PLEKHB2: variants seen among roughly 807,000 people sequenced by gnomAD.
PLEKHB2 encodes pleckstrin homology domain-containing family B member 2.
PLEKHB2 carries 31 observed loss-of-function variants against 36.5 expected under a neutral mutation model. The observed-to-expected ratio is 0.85, with a 90% confidence interval of 0.64 to 1.15. PLEKHB2 has a LOEUF of 1.15. Among genes scored for constraint, PLEKHB2 ranks in the 50% most tolerant of loss-of-function variants. The pLI is 0.00. For synonymous variants in PLEKHB2, 119 were observed against 112.0 expected, an observed-to-expected ratio of 1.06 and a Z score of -0.39; for missense variants, 262 against 295.3, an observed-to-expected ratio of 0.89 and a Z score of 0.83.
rs1371490264 is a variant in PLEKHB2, at chr2:131,123,356, T to TATTTTCC, written c.37+2379_37+2385dup. ...GGTAGGCAAAGCCAGCCTTGGGACT[T>TATTTTCC]ATTTTCCTGCCATTGCCACATGTAC... is the stretch of plus-strand genomic sequence containing the variant. On this transcript the variant is annotated intron_variant, in intron 2 of 7. Transcript: ENST00000693505. Among the ~76,000 whole-genome samples, 5 of 152,302 alleles carry TATTTTCC rather than the reference T, an allele frequency of 3.3e-5. No homozygotes were observed. The South Asian group carries it at 1.0e-3, about 32-fold the overall frequency.
intron 2 of PLEKHB2, among the ~76,000 whole-genome samples, chr2:131,124,938 A>C (rs1696951854): frequency 6.6e-6 from 1 of 151,964 alleles, no homozygotes; most frequent in African/African-American, 2.4e-5. Context: ...GGTACGAGCC[A>C]CCACGCCCAG....
intron 1 of PLEKHB2, chr2:131,120,342 C>T (rs1485458206): frequency 6.5e-6 from 1 of 153,570 alleles, no homozygotes; most frequent in Non-Finnish European, 1.4e-5. Context: ...TCAGGTGATC[C>T]ACCCTCCTCG....
chr2:131,146,525 C>T (rs928077809), intron 7 of PLEKHB2, 112 bp from the exon 8 acceptor site: 1 of 1,127,494 alleles, frequency 8.9e-7, no homozygotes, highest in Non-Finnish European at 1.2e-6. Flanking sequence ...GCTGGGTCGC[C>T]AGTGTGACAG....
At chr2:131,109,228 C>CT (rs1695033793) in intron 1 of PLEKHB2, among the ~76,000 whole-genome samples, 1 of 152,132 alleles carries the variant, frequency 6.6e-6, no homozygotes, top group African/African-American at 2.4e-5. Flanking sequence ...TCTAAAGATA[C>CT]TCTCTAAATT....
At chr2:131,138,521 C>A (rs1428271942) in intron 6 of PLEKHB2, among the ~76,000 whole-genome samples, 3 of 152,120 alleles carry the variant, frequency 2.0e-5, no homozygotes, top group Non-Finnish European at 4.4e-5. Context: ...AGCAGACCTC[C>A]TTCTGGGGAG....
intron 1 of PLEKHB2, among the ~76,000 whole-genome samples, chr2:131,109,068 C>G (rs1468080184): frequency 6.6e-6 from 1 of 152,190 alleles, no homozygotes; most frequent in Non-Finnish European, 1.5e-5. Context: ...TGCAGTGGCT[C>G]ATACCTGTAA....
intron 1 of PLEKHB2, among the ~76,000 whole-genome samples, chr2:131,117,406 CACAA>C (rs1021001208): frequency 2.6e-5 from 4 of 152,220 alleles, no homozygotes; most frequent in Admixed American, 2.6e-4. Flanking sequence ...TGGGCGATGG[CACAA>C]ACAAAGAAAC....
chr2:131,147,015 A>T lies in PLEKHB2; in HGVS notation c.*242A>T. On this transcript the variant is annotated 3_prime_UTR_variant, in exon 8 of 8. Coordinates refer to ENST00000693505, the MANE Select transcript of PLEKHB2 (RefSeq NM_001100623.2). Reference sequence around the variant, plus strand: ...CTCATTCCAAGACTGTTCTTGTGCAACTCTCAGAATACCTTATTTGAGCAT... The same window carrying T: ...CTCATTCCAAGACTGTTCTTGTGCATCTCTCAGAATACCTTATTTGAGCAT... The T allele has an allele frequency of 2.8e-6, 1 of 351,800 alleles. No homozygotes were observed. The highest frequency in any genetic ancestry group is 7.5e-4 in the Middle Eastern group (1 of 1,336). 21.8% of individuals were successfully genotyped at this position (351,800 alleles called of 1,614,324 possible).
Position 131,136,023 on chromosome 2 carries a change from T to C in PLEKHB2, c.423+3032T>C, listed in dbSNP as rs1573610986. ...ACATATGCATATATTTAGTATTTAATGCATTCATTAAGTATGCTGTTAGCT... is the reference window on the plus strand; with the variant it reads ...ACATATGCATATATTTAGTATTTAACGCATTCATTAAGTATGCTGTTAGCT... On this transcript the variant is annotated intron_variant, in intron 6 of 7. Coordinates refer to ENST00000693505, the MANE Select transcript of PLEKHB2 (RefSeq NM_001100623.2). Among the ~76,000 whole-genome samples the C allele has an allele frequency of 2.0e-5, 3 of 152,340 alleles. 1 individual carries two copies. In the South Asian group the frequency reaches 6.2e-4, roughly 32 times the overall value.
At chr2:131,111,946 T>C (rs1285936928) in intron 1 of PLEKHB2, among the ~76,000 whole-genome samples, 1 of 152,238 alleles carries the variant, frequency 6.6e-6, no homozygotes, top group Non-Finnish European at 1.5e-5. Flanking sequence ...GTTTATTTTG[T>C]CTTTGACCTC....
At chr2:131,119,237 C>T (rs908843451) in intron 1 of PLEKHB2, among the ~76,000 whole-genome samples, 18 of 151,996 alleles carry the variant, frequency 1.2e-4, no homozygotes, top group East Asian at 3.9e-4. Context: ...GCCTGGACAT[C>T]GCAGCAAGAA....
At chr2:131,136,180 C>CCTCT (rs1327454044) in intron 6 of PLEKHB2, among the ~76,000 whole-genome samples, 55 of 141,382 alleles carry the variant, frequency 3.9e-4, no homozygotes, top group South Asian at 2.9e-3. Flanking sequence ...TCCCTCCCTC[C>CCTCT]CTCTCTCCTT....
At chr2:131,138,345 G>A (rs758165596) in intron 6 of PLEKHB2, among the ~76,000 whole-genome samples, 5 of 152,008 alleles carry the variant, frequency 3.3e-5, no homozygotes, top group Non-Finnish European at 7.4e-5. Context: ...AGGTTTTTAT[G>A]ATAGCTGCTT....
intron 6 of PLEKHB2, among the ~76,000 whole-genome samples, chr2:131,135,546 G>A (rs1336489854): frequency 6.6e-6 from 1 of 152,034 alleles, no homozygotes; most frequent in African/African-American, 2.4e-5. Flanking sequence ...ATATTATGTA[G>A]AATAGCAGTA....
intron 1 of PLEKHB2, 70 bp from the exon 2 acceptor site, chr2:131,120,864 A>C: frequency 2.0e-6 from 3 of 1,474,422 alleles, no homozygotes; most frequent in Non-Finnish European, 2.8e-6. Context: ...GGATAAGGAT[A>C]GAGACTCGGG....
In PLEKHB2 at chr2:131,136,584, C is replaced by T. The variant is rs528130982; in HGVS notation, c.424-3583C>T. ...TAGTGTTTGGTTTTCACATACTGAA[C>T]CAGCCTTGCATTCCCTGGAATAAAG... is the stretch of plus-strand genomic sequence containing the variant. On this transcript the variant is annotated intron_variant, in intron 6 of 7. Transcript: ENST00000693505. 7.2e-5 allele frequency among the ~76,000 whole-genome samples: 11 copies of T among 151,862 alleles called. 1 individual carries two copies. The South Asian group carries it at 2.3e-3, about 32-fold the overall frequency.
chr2:131,117,651 G>A (rs1696027248), intron 1 of PLEKHB2, among the ~76,000 whole-genome samples: 1 of 152,102 alleles, frequency 6.6e-6, no homozygotes, highest in Non-Finnish European at 1.5e-5. Context: ...TCACATTATG[G>A]ATGCAGGAAG....
At chr2:131,113,032 A>G (rs1695482443) in intron 1 of PLEKHB2, among the ~76,000 whole-genome samples, 1 of 151,782 alleles carries the variant, frequency 6.6e-6, no homozygotes, top group Non-Finnish European at 1.5e-5. Context: ...TGCTATCTCC[A>G]GGTAGATAGT....
chr2:131,146,758 A>G lies in PLEKHB2; in HGVS notation c.654A>G (p.Leu218=), dbSNP rs139261290. ...CCACGGGCATGGCCTTAGGGTCTCT[A>G]TTTTGGGTCTTCTAGGGGCCTCAAG... ...GAATGMALGS[L]FWVF Residue 218 remains leucine, a synonymous_variant, in exon 8 of 8, where the codon CTA becomes CTG. Transcript: ENST00000693505. 113 of 1,608,426 alleles carry G rather than the reference A, an allele frequency of 7.0e-5. No homozygotes were observed. Among genetic ancestry groups the G allele is most frequent in the Non-Finnish European group, 9.1e-5 (107 of 1,177,454 alleles).
Sources: gnomAD v4.1 joint callset for allele counts (sites outside exome capture counted in the v4.1 genomes callset) on GRCh38, gnomAD v4.1.1 for gene constraint, MANE v1.5 for transcripts, NCBI Gene and HGNC (gene_info 2026-07-23, HGNC 2026-07-21) for gene names.